The following ZNF732 variants were observed in gnomAD, a reference collection of about 807,000 sequenced individuals.
ZNF732 encodes the protein zinc finger protein 732.
A neutral mutation model predicts 11.5 loss-of-function variants in ZNF732; 12 were observed. That is an observed-to-expected ratio of 1.05 (90% CI 0.67 to 1.70). The LOEUF (loss-of-function observed/expected upper bound fraction) is 1.70, where lower values mean the gene tolerates loss of function less well. ZNF732 is among the 40% of genes most tolerant of loss of function. ZNF732 has a pLI of 0.00. For missense variants in ZNF732, 702 were observed against 676.9 expected (o/e 1.04, Z -0.41); for synonymous variants, 231 against 236.5 (o/e 0.98, Z 0.21).
intron 1 of ZNF732, among the ~76,000 whole-genome samples, chr4:300,032 G>A (rs1172380221): frequency 4.6e-5 from 7 of 151,662 alleles, no homozygotes; most frequent in African/African-American, 1.7e-4. Context: ...GGCAAAAAGG[G>A]AGGCAGAGAG....
rs143489365 is a variant in ZNF732, at chr4:286,559, T to C, written c.226+8879A>G. 4.6e-5 allele frequency among the ~76,000 whole-genome samples: 7 copies of C among 152,366 alleles called. No individual in the cohort carries two copies. The East Asian group carries it at 9.6e-4, about 21-fold the overall frequency. ...AAGCCAGGCACAAGAAGACAAGTGC[T>C]ATGTAATTCCACTTATGTAAGATAT... On this transcript the variant is annotated intron_variant, in intron 3 of 3. Coordinates refer to ENST00000419098, the MANE Select transcript of ZNF732 (RefSeq NM_001137608.3).
intron 1 of ZNF732, among the ~76,000 whole-genome samples, chr4:299,499 A>C (rs1185104774): frequency 4.3e-5 from 5 of 116,300 alleles, no homozygotes; most frequent in Non-Finnish European, 8.7e-5. Context: ...ATGTGTGTAT[A>C]TATACACACA....
intron 3 of ZNF732, among the ~76,000 whole-genome samples, chr4:277,287 C>A (rs73213597): frequency 5.9e-5 from 9 of 151,710 alleles, no homozygotes; most frequent in Non-Finnish European, 1.5e-5. Flanking sequence ...AATATGCAAA[C>A]GGGATTACAA....
chr4:289,052 A>C (rs782508215), intron 3 of ZNF732, among the ~76,000 whole-genome samples: 3 of 152,244 alleles, frequency 2.0e-5, no homozygotes, highest in African/African-American at 7.2e-5. Flanking sequence ...GTTTCTCAGG[A>C]GGCCCCAAAA....
chr4:280,993 T>G (rs1346804454), intron 3 of ZNF732, among the ~76,000 whole-genome samples: 1 of 152,168 alleles, frequency 6.6e-6, no homozygotes, highest in African/African-American at 2.4e-5. Flanking sequence ...TGCCCGAATG[T>G]AGGCTTGCCA....
At position 271,198 on chromosome 4, in the gene ZNF732, A is replaced by G. The variant is rs1199893542; in HGVS notation, c.1659T>C (p.Thr553=). The change falls in exon 4 of 4, where the codon ACT becomes ACC. Residue 553 remains threonine, a synonymous_variant. Coordinates refer to ENST00000419098, the MANE Select transcript of ZNF732 (RefSeq NM_001137608.3). ...CTTTACATTTGGGGGTTTTATCTCC[A>G]GTATGAATTGTCTTATATTTATTCA... is the stretch of plus-strand genomic sequence containing the variant. ...RVLNKYKTIH[T]GDKTPKCKGC... The G allele has an allele frequency of 1.9e-6, 3 of 1,555,072 alleles. No homozygotes were observed. The highest frequency in any genetic ancestry group is 2.6e-6 in the Non-Finnish European group (3 of 1,148,822).
At chr4:285,380 T>C (rs1294953718) in intron 3 of ZNF732, among the ~76,000 whole-genome samples, 1 of 152,162 alleles carries the variant, frequency 6.6e-6, no homozygotes, top group Non-Finnish European at 1.5e-5. Flanking sequence ...AACAGGTTAC[T>C]GGTGCAGATT....
intron 3 of ZNF732, among the ~76,000 whole-genome samples, chr4:287,778 T>G (rs1192245506): frequency 6.6e-6 from 1 of 152,096 alleles, no homozygotes; most frequent in Non-Finnish European, 1.5e-5. Context: ...TGCCTTCAGA[T>G]ATACTTTGGA....
intron 1 of ZNF732, among the ~76,000 whole-genome samples, chr4:297,607 T>TAA (rs57681246): frequency 0.012 from 1,203 of 100,950 alleles, 20 homozygotes; most frequent in South Asian, 0.022. Context: ...TTAAGATTTG[T>TAA]AAAAAAAAAA....
Position 299,444 on chromosome 4 carries a change from T to TATACAC in ZNF732, c.4-3290_4-3289insGTGTAT, listed in dbSNP as rs1553843186. 4.1e-3 allele frequency among the ~76,000 whole-genome samples: 139 copies of TATACAC among 33,828 alleles called. 10 individuals are homozygous for TATACAC. The highest frequency in any genetic ancestry group is 7.6e-3 in the African/African-American group (68 of 8,956). The allele number at this position is 33,828 out of a possible 152,430, so 22.2% of individuals were successfully genotyped here. A position where few individuals can be genotyped will look rare whatever the true frequency, so the allele number is the denominator to read the frequency against. On this transcript the variant is annotated intron_variant, in intron 1 of 3. Coordinates refer to ENST00000419098, the MANE Select transcript of ZNF732 (RefSeq NM_001137608.3). Reference sequence around the variant, plus strand: ...ATATATACACATATGTGTATATATATATATATACACATATGTGTATATATA... The same window carrying TATACAC: ...ATATATACACATATGTGTATATATATATACACATATATACACATATGTGTATATATA...
chr4:292,888 C>CAAA (rs1560162522), intron 3 of ZNF732, among the ~76,000 whole-genome samples: 1 of 34,564 alleles, frequency 2.9e-5, no homozygotes, highest in African/African-American at 9.7e-5. Context: ...CTACTAAAAA[C>CAAA]ACAAAAAAAA....
In ZNF732 at chr4:282,803, A is replaced by T. The variant is rs998778669; in HGVS notation, c.227-10173T>A. Reference sequence around the variant, plus strand: ...ACAAAAAAAAAAATGTTGAAGATACATACACACAAAAGAAATTAAAGCATA... The same window carrying T: ...ACAAAAAAAAAAATGTTGAAGATACTTACACACAAAAGAAATTAAAGCATA... On this transcript the variant is annotated intron_variant, in intron 3 of 3. Transcript: ENST00000419098. 2.4e-4 allele frequency among the ~76,000 whole-genome samples: 36 copies of T among 152,196 alleles called. 1 individual carries two copies. The highest frequency in any genetic ancestry group is 2.4e-3 in the Admixed American group (36 of 15,286).
intron 3 of ZNF732, among the ~76,000 whole-genome samples, chr4:274,225 AAT>A (rs1553838351): frequency 4.0e-5 from 6 of 151,764 alleles, no homozygotes; most frequent in Non-Finnish European, 1.5e-5. Flanking sequence ...ACACAACAAC[AAT>A]ATGATTACTG....
At chr4:303,971 G>A (rs1314274200) in intron 1 of ZNF732, among the ~76,000 whole-genome samples, 5 of 152,208 alleles carry the variant, frequency 3.3e-5, no homozygotes, top group Non-Finnish European at 7.3e-5. Context: ...CCATCTGACT[G>A]ATTCATGTGT....
chr4:270,728 A>G lies in ZNF732; in HGVS notation c.*371T>C. 1 of 425,378 alleles carries G rather than the reference A, an allele frequency of 2.4e-6. No homozygotes were observed. Among genetic ancestry groups the G allele is most frequent in the Non-Finnish European group, 4.5e-6 (1 of 219,780 alleles). 26.4% of individuals were successfully genotyped at this position (425,378 alleles called of 1,614,324 possible). ...ATTTTCTCATGTTTATTTATGGGTG[A>G]GGACCGTTTATAGGCTTTCCCACAT... On this transcript the variant is annotated 3_prime_UTR_variant, in exon 4 of 4. Coordinates refer to ENST00000419098, the MANE Select transcript of ZNF732 (RefSeq NM_001137608.3).
intron 1 of ZNF732, among the ~76,000 whole-genome samples, chr4:302,476 A>C (rs1197412447): frequency 6.6e-6 from 1 of 152,156 alleles, no homozygotes; most frequent in African/African-American, 2.4e-5. Flanking sequence ...GTAATCTGAG[A>C]ACTCATCTGG....
At chr4:274,500 T>C (rs1167250664) in intron 3 of ZNF732, among the ~76,000 whole-genome samples, 1 of 151,514 alleles carries the variant, frequency 6.6e-6, no homozygotes, top group African/African-American at 2.4e-5. Context: ...AACAATAAGA[T>C]GAGTAAGTCT....
Position 270,979 on chromosome 4 carries a change from G to T in ZNF732, c.*120C>A. 1.1e-6 allele frequency: 1 copy of T among 896,718 alleles called. No individual in the cohort carries two copies. The highest frequency in any genetic ancestry group is 1.8e-6 in the Non-Finnish European group (1 of 569,188). 55.5% of individuals were successfully genotyped at this position (896,718 alleles called of 1,614,324 possible). A position where few individuals can be genotyped will look rare whatever the true frequency, so the allele number is the denominator to read the frequency against. On this transcript the variant is annotated 3_prime_UTR_variant, in exon 4 of 4. Coordinates refer to ENST00000419098, the MANE Select transcript of ZNF732 (RefSeq NM_001137608.3). ...AATTCTTACTTTCATTCAGGGTTGT[G>T]GACCATCCAAAAGCTTTGCCACATT...
At chr4:290,792 GACAC>G (rs1302015030) in intron 3 of ZNF732, among the ~76,000 whole-genome samples, 1 of 152,092 alleles carries the variant, frequency 6.6e-6, no homozygotes, top group African/African-American at 2.4e-5. Flanking sequence ...AACCATCAAA[GACAC>G]AATGCACAGC....
Sources: allele counts gnomAD v4.1 joint callset (sites outside exome capture counted in the v4.1 genomes callset), GRCh38; gene constraint gnomAD v4.1.1; transcripts MANE v1.5; gene names NCBI Gene and HGNC (gene_info 2026-07-23, HGNC 2026-07-21).